ACKR3: variants seen among roughly 807,000 people sequenced by gnomAD.
ACKR3 encodes C-X-C chemokine receptor type 7.
A neutral mutation model predicts 22.4 loss-of-function variants in ACKR3; 6 were observed. That is an observed-to-expected ratio of 0.27 (90% CI 0.15 to 0.53). The LOEUF (loss-of-function observed/expected upper bound fraction) is 0.53. Ranked by LOEUF, ACKR3 falls within the 20% of genes least tolerant of loss-of-function variation. The pLI, the probability that ACKR3 is intolerant of heterozygous loss-of-function variation, is 0.96. For missense variants in ACKR3, 396 were observed against 475.2 expected (o/e 0.83, Z 1.55); for synonymous variants, 209 against 205.2 (o/e 1.02, Z -0.16).
At chr2:236,539,252 G>GTC in the ACKR3 span, among the ~76,000 whole-genome samples, 1 of 146,024 alleles carries the variant, frequency 6.8e-6, no homozygotes, top group Non-Finnish European at 1.5e-5. Context: ...GTGTGTGTGT[G>GTC]TGTCTCTCTC....
the ACKR3 span, among the ~76,000 whole-genome samples, chr2:236,541,178 A>G: frequency 1.2e-4 from 18 of 152,366 alleles, no homozygotes; most frequent in African/African-American, 3.8e-4. Context: ...TTATAAAAGT[A>G]TAAGTTGTTG....
chr2:236,548,237 T>TC, the ACKR3 span, among the ~76,000 whole-genome samples: 1 of 152,208 alleles, frequency 6.6e-6, no homozygotes, highest in African/African-American at 2.4e-5. The surrounding 1 kb of genome is among the most constrained non-coding windows in gnomAD (Gnocchi z 4.3). Context: ...TAATTTTTTT[T>TC]CTTATGAACT....
chr2:236,546,082 T>G, the ACKR3 span, among the ~76,000 whole-genome samples: 1 of 152,204 alleles, frequency 6.6e-6, no homozygotes, highest in Non-Finnish European at 1.5e-5. This position sits in a 1 kb window ranked among gnomAD's most constrained non-coding sequence, Gnocchi z 4.9. Flanking sequence ...GTTTTGTGAG[T>G]TGTGAAGCAC....
chr2:236,541,363 T>G, the ACKR3 span, among the ~76,000 whole-genome samples: 1 of 152,194 alleles, frequency 6.6e-6, no homozygotes, highest in African/African-American at 2.4e-5. Flanking sequence ...GAAACATCCC[T>G]CGTCTGACAC....
At chr2:236,559,488 C>T in the ACKR3 span, among the ~76,000 whole-genome samples, 1 of 152,184 alleles carries the variant, frequency 6.6e-6, no homozygotes, top group Non-Finnish European at 1.5e-5. Flanking sequence ...AGCCTTTCTT[C>T]CATCTGTGGT....
At chr2:236,570,444 G>A (rs1423536825) in intron 1 of ACKR3, among the ~76,000 whole-genome samples, 1 of 152,226 alleles carries the variant, frequency 6.6e-6, no homozygotes, top group East Asian at 1.9e-4. Context: ...GAGAATCTTT[G>A]TGAGTCCAAG....
Position 236,580,755 on chromosome 2 carries a change from T to C in ACKR3, c.290T>C (p.Ile97Thr), listed in dbSNP as rs761313182. 6.2e-7 allele frequency: 1 copy of C among 1,614,138 alleles called. No individual in the cohort carries two copies. The highest frequency in any genetic ancestry group is 1.1e-5 in the South Asian group (1 of 91,068). ...AIADLWVVLT[I>T]PVWVVSLVQH... ...GCCGACCTGTGGGTTGTCCTCACCATCCCAGTCTGGGTGGTCAGTCTCGTG... is the reference window on the plus strand; with the variant it reads ...GCCGACCTGTGGGTTGTCCTCACCACCCCAGTCTGGGTGGTCAGTCTCGTG... Residue 97 changes from isoleucine (I) to threonine (T), a missense_variant, in exon 2 of 2, where the codon ATC becomes ACC. Transcript: ENST00000272928.
chr2:236,579,478 A>G (rs1574977394), intron 1 of ACKR3, among the ~76,000 whole-genome samples: 1 of 151,898 alleles, frequency 6.6e-6, no homozygotes, highest in Admixed American at 6.5e-5. Context: ...CTGTCAGTCT[A>G]TCTGAAGAAA....
At chr2:236,540,982 G>A in the ACKR3 span, among the ~76,000 whole-genome samples, 1 of 152,208 alleles carries the variant, frequency 6.6e-6, no homozygotes, top group Non-Finnish European at 1.5e-5. Flanking sequence ...GACAACTGGG[G>A]ACATCTTACT....
rs147207140 is a variant in ACKR3, at chr2:236,573,190, G to GCACACACACACA, written c.-27+3270_-27+3281dup. ...CACAGACACACAGACACACACACATGCACACACACACACACCCCACTCAAT... is the reference window on the plus strand; with the variant it reads ...CACAGACACACAGACACACACACATGCACACACACACACACACACACACACACCCCACTCAAT... On this transcript the variant is annotated intron_variant, in intron 1 of 1. Coordinates refer to ENST00000272928, the MANE Select transcript of ACKR3 (RefSeq NM_020311.3). 9.5e-3 allele frequency among the ~76,000 whole-genome samples: 1,439 copies of GCACACACACACA among 151,198 alleles called. 28 individuals are homozygous for GCACACACACACA. Among genetic ancestry groups the GCACACACACACA allele is most frequent in the African/African-American group, 0.034 (1,384 of 41,288 alleles).
chr2:236,581,470 G>A lies in ACKR3; in HGVS notation c.1005G>A (p.Ser335=), dbSNP rs186345456. Residue 335 remains serine, a synonymous_variant, in exon 2 of 2, where the codon TCG becomes TCA. Transcript: ENST00000272928. This position sits in a 1 kb window ranked among gnomAD's most constrained non-coding sequence, Gnocchi z 4.4. ...ELMKAFIFKY[S]AKTGLTKLID... ...TGAAGGCCTTCATCTTCAAGTACTC[G>A]GCCAAAACAGGGCTCACCAAGCTCA... 5.0e-5 allele frequency: 81 copies of A among 1,614,062 alleles called. No homozygotes were observed. The Admixed American group carries it at 6.2e-4, about 12-fold the overall frequency.
chr2:236,540,054 G>T, the ACKR3 span, among the ~76,000 whole-genome samples: 15 of 152,228 alleles, frequency 9.9e-5, no homozygotes, highest in African/African-American at 3.6e-4. Flanking sequence ...TGGGGACACA[G>T]CCAACTGTAT....
chr2:236,538,928 T>C, the ACKR3 span, among the ~76,000 whole-genome samples: 16 of 152,326 alleles, frequency 1.1e-4, no homozygotes, highest in East Asian at 2.7e-3. Flanking sequence ...CAGGGCAAAG[T>C]AGGCGCGGAC....
the ACKR3 span, among the ~76,000 whole-genome samples, chr2:236,550,926 C>T: frequency 3.9e-5 from 6 of 152,202 alleles, no homozygotes; most frequent in African/African-American, 9.7e-5. This position sits in a 1 kb window ranked among gnomAD's most constrained non-coding sequence, Gnocchi z 4.6. Flanking sequence ...CTTTCTATTT[C>T]CTACAGCTGG....
the ACKR3 span, among the ~76,000 whole-genome samples, chr2:236,556,832 T>C: frequency 3.3e-5 from 5 of 152,174 alleles, no homozygotes; most frequent in African/African-American, 1.2e-4. Context: ...GAGATCACAG[T>C]GCCCACCACC....
chr2:236,553,250 C>T, the ACKR3 span, among the ~76,000 whole-genome samples: 670 of 152,258 alleles, frequency 4.4e-3, 20 homozygotes, highest in Admixed American at 0.036. Flanking sequence ...GCCAGAGGCC[C>T]CAGGAGCCTT....
chr2:236,568,095 C>T (rs1042742006), upstream of ACKR3, among the ~76,000 whole-genome samples: 1 of 152,238 alleles, frequency 6.6e-6, no homozygotes, highest in Non-Finnish European at 1.5e-5. Context: ...CTTTTCCTTC[C>T]TCTACGTTAG....
rs1386784432 is a variant in ACKR3 at position 236,581,978 on chromosome 2, C to A, written c.*424C>A. 5.9e-6 allele frequency: 1 copy of A among 168,102 alleles called. No individual in the cohort carries two copies. The highest frequency in any genetic ancestry group is 1.4e-5 in the Non-Finnish European group (1 of 69,218). The allele number at this position is 168,102 out of a possible 1,614,324, so 10.4% of individuals were successfully genotyped here. On this transcript the variant is annotated 3_prime_UTR_variant, in exon 2 of 2. Transcript: ENST00000272928. This position sits in a 1 kb window ranked among gnomAD's most constrained non-coding sequence, Gnocchi z 4.4. ...TATTGTTTGGGAGGCATAGTGCTGA[C>A]ATATATTCAGAGTGTTGTAGTTTTA...
upstream of ACKR3, among the ~76,000 whole-genome samples, chr2:236,565,178 A>G (rs377614214): frequency 2.1e-3 from 319 of 152,188 alleles, no homozygotes; most frequent in Middle Eastern, 0.014. Flanking sequence ...ACTCATGTGC[A>G]TCCTCTCGTT....
Sources: gnomAD v4.1 joint callset for allele counts (sites outside exome capture counted in the v4.1 genomes callset) on GRCh38, gnomAD v4.1.1 for gene constraint, Gnocchi (gnomAD v3.1) non-coding constraint, MANE v1.5 for transcripts, NCBI Gene and HGNC (gene_info 2026-07-23, HGNC 2026-07-21) for gene names.